Variants in ADGRV1 observed in about 807,000 individuals in gnomAD.
ADGRV1 encodes adhesion G protein-coupled receptor V1.
Under a neutral mutation model 596.2 loss-of-function variants are expected in ADGRV1, and 359 were observed. The ratio of observed to expected loss-of-function variants is 0.60; its 90% confidence interval spans 0.55 to 0.66. ADGRV1 has a LOEUF of 0.66. Ranked by LOEUF, ADGRV1 falls within the 30% of genes least tolerant of loss-of-function variation. The probability of loss-of-function intolerance (pLI) is 0.00; values close to 1 mark genes in which losing one functional copy is unlikely to be tolerated. For synonymous variants in ADGRV1, 2,681 were observed against 2,679.2 expected (o/e 1.00, Z -0.02); for missense variants, 7,274 against 7,575.6 (o/e 0.96, Z 1.48).
intron 32 of ADGRV1, among the ~76,000 whole-genome samples, chr5:90,693,483 G>C (rs181351284): frequency 2.6e-5 from 4 of 151,322 alleles, no homozygotes; most frequent in East Asian, 3.9e-4. Flanking sequence ...TTTGATCTGC[G>C]GTCTTGAATC....
At chr5:90,730,307 A>G (rs754397348) in intron 50 of ADGRV1, among the ~76,000 whole-genome samples, 108 of 152,258 alleles carry the variant, frequency 7.1e-4, no homozygotes, top group Non-Finnish European at 9.0e-4. Context: ...AATAATCAGA[A>G]TAACTAAAAT....
chr5:90,838,272 C>A (rs995171818), intron 77 of ADGRV1, among the ~76,000 whole-genome samples: 6 of 151,256 alleles, frequency 4.0e-5, no homozygotes, highest in African/African-American at 1.5e-4. Flanking sequence ...TTGACACAAT[C>A]AATCACTTCC....
At position 90,965,534 on chromosome 5, in the gene ADGRV1, T is replaced by G. The variant is rs1778375876; in HGVS notation, c.17973+3T>G. On this transcript the variant is annotated splice_donor_region_variant and intron_variant, in intron 84 of 89. Coordinates refer to ENST00000405460, the MANE Select transcript of ADGRV1 (RefSeq NM_032119.4). Reference sequence around the variant, plus strand: ...AGTTTAGCTGGATGCTCATTCAGGTTGGTACCTCATTCCCTCTCCCCGCCC... The same window carrying G: ...AGTTTAGCTGGATGCTCATTCAGGTGGGTACCTCATTCCCTCTCCCCGCCC... The G allele has an allele frequency of 6.5e-7, 1 of 1,548,942 alleles. No homozygotes were observed. The highest frequency in any genetic ancestry group is 8.9e-7 in the Non-Finnish European group (1 of 1,121,824).
At chr5:90,664,920 T>G (rs12189131) in intron 21 of ADGRV1, among the ~76,000 whole-genome samples, 83,433 of 150,582 alleles carry the variant, frequency 0.55, 23,915 homozygotes, top group East Asian at 0.8. Context: ...TTACATTTAT[T>G]AATTTGCGTA....
At chr5:90,705,019 A>G (rs951694211) in intron 36 of ADGRV1, among the ~76,000 whole-genome samples, 6 of 152,156 alleles carry the variant, frequency 3.9e-5, no homozygotes, top group Non-Finnish European at 8.8e-5. Context: ...CATGTTGGCC[A>G]GGATGATCTC....
At chr5:90,947,348 A>G (rs990270596) in intron 83 of ADGRV1, among the ~76,000 whole-genome samples, 1 of 151,722 alleles carries the variant, frequency 6.6e-6, no homozygotes, top group African/African-American at 2.4e-5. Flanking sequence ...TTTCTCGTAA[A>G]TTTGTTCAAA....
chr5:90,725,371 A>T, intron 47 of ADGRV1, 139 bp downstream of exon 47: 2 of 694,850 alleles, frequency 2.9e-6, no homozygotes, highest in Non-Finnish European at 4.7e-6. Context: ...ACATTTTAGC[A>T]AAGTATCTTA....
chr5:90,813,399 T>C (rs1436574999), intron 74 of ADGRV1, among the ~76,000 whole-genome samples: 1 of 151,958 alleles, frequency 6.6e-6, no homozygotes, highest in Non-Finnish European at 1.5e-5. Flanking sequence ...AGAGGACTCT[T>C]TAGGGGCTCA....
chr5:90,763,424 T>A lies in ADGRV1; in HGVS notation c.12240T>A (p.Ala4080=), dbSNP rs780851004. 6.2e-7 allele frequency: 1 copy of A among 1,613,838 alleles called. No homozygotes were observed. The highest frequency in any genetic ancestry group is 2.2e-5 in the East Asian group (1 of 44,880). Residue 4080 remains alanine (A), a synonymous_variant, in exon 59 of 90, where the codon GCT becomes GCA. Transcript: ENST00000405460. ...VRLEWTIDEK[A]KHNLSPLNGT... ...TTGAGTGGACCATAGATGAGAAGGC[T>A]AAACATAACCTTAGTCCTTTGAATG... is the stretch of plus-strand genomic sequence containing the variant.
At chr5:90,599,845 GT>G (rs1761186658) in intron 1 of ADGRV1, among the ~76,000 whole-genome samples, 1 of 152,188 alleles carries the variant, frequency 6.6e-6, no homozygotes, top group African/African-American at 2.4e-5. Context: ...GGTTTTACAA[GT>G]TTCAAATTGA....
chr5:90,886,865 T>C (rs1156631010), intron 83 of ADGRV1, among the ~76,000 whole-genome samples: 1 of 152,220 alleles, frequency 6.6e-6, no homozygotes, highest in African/African-American at 2.4e-5. Context: ...CAAATTCTTT[T>C]AATTCTACCT....
chr5:90,618,063 A>C, intron 3 of ADGRV1, 110 bp downstream of exon 3: 1 of 723,682 alleles, frequency 1.4e-6, no homozygotes, highest in Non-Finnish European at 2.1e-6. Context: ...AATTCAGATA[A>C]CTGGTGGTGG....
intron 83 of ADGRV1, among the ~76,000 whole-genome samples, chr5:90,964,788 AAGAGAG>A (rs146609101): frequency 1.3e-5 from 2 of 151,052 alleles, no homozygotes; most frequent in African/African-American, 4.9e-5. Flanking sequence ...CTGGTTAAAA[AAGAGAG>A]AGAGAGAGTG....
intron 82 of ADGRV1, among the ~76,000 whole-genome samples, chr5:90,860,023 C>A (rs1767398050): frequency 6.6e-6 from 1 of 151,740 alleles, no homozygotes; most frequent in Non-Finnish European, 1.5e-5. Flanking sequence ...CTCAGGAGTT[C>A]AAGGCTGCAG....
intron 42 of ADGRV1, 144 bp from the exon 43 acceptor site, chr5:90,716,323 A>G: frequency 2.0e-6 from 1 of 492,876 alleles, no homozygotes; most frequent in Non-Finnish European, 3.5e-6. Context: ...ATGCTTTAAA[A>G]AATTCTGTCA....
chr5:90,689,486 G>T (rs552564440), intron 29 of ADGRV1, among the ~76,000 whole-genome samples: 1 of 152,134 alleles, frequency 6.6e-6, no homozygotes, highest in Non-Finnish European at 1.5e-5. Flanking sequence ...TATCTTTCCA[G>T]TGGCATTACA....
At chr5:90,594,485 C>CTTTTT (rs569370594) in intron 1 of ADGRV1, among the ~76,000 whole-genome samples, 2 of 108,312 alleles carry the variant, frequency 1.8e-5, no homozygotes, top group Admixed American at 9.3e-5. Context: ...TCTGGCAGTT[C>CTTTTT]TTTTTTTTTT....
At chr5:91,011,677 T>C (rs543434548) in intron 85 of ADGRV1, among the ~76,000 whole-genome samples, 1 of 152,108 alleles carries the variant, frequency 6.6e-6, no homozygotes, top group East Asian at 1.9e-4. Context: ...ATCATCATTA[T>C]CAAGTTATAT....
At chr5:90,943,273 G>T (rs750215395) in intron 83 of ADGRV1, among the ~76,000 whole-genome samples, 13 of 152,094 alleles carry the variant, frequency 8.5e-5, no homozygotes, top group Non-Finnish European at 1.6e-4. Flanking sequence ...AGGTTCTTCT[G>T]AGATATGGGA....
Sources: gnomAD v4.1 joint callset for allele counts (sites outside exome capture counted in the v4.1 genomes callset) on GRCh38, gnomAD v4.1.1 for gene constraint, MANE v1.5 for transcripts, NCBI Gene and HGNC (gene_info 2026-07-23, HGNC 2026-07-21) for gene names.